The following SNTG1 variants were observed in gnomAD, a reference collection of about 807,000 sequenced individuals.
SNTG1 encodes syntrophin gamma 1.
In SNTG1, 39 loss-of-function variants were observed where a neutral mutation model predicts 74.7. The observed-to-expected ratio is 0.52, with a 90% CI of 0.40 to 0.68. The LOEUF (loss-of-function observed/expected upper bound fraction) is 0.68, where lower values mean the gene tolerates loss of function less well. SNTG1 is among the 30% of genes least tolerant of loss of function. The probability of loss-of-function intolerance (pLI) is 0.00; values close to 1 mark genes in which losing one functional copy is unlikely to be tolerated. For missense variants in SNTG1, 685 were observed against 609.5 expected (o/e 1.12, Z -1.30); for synonymous variants, 254 against 217.1 (o/e 1.17, Z -1.49).
At chr8:50,244,532 C>T (rs1403316550) in intron 2 of SNTG1, among the ~76,000 whole-genome samples, 7 of 152,090 alleles carry the variant, frequency 4.6e-5, no homozygotes, top group Admixed American at 2.0e-4. Flanking sequence ...TGTGAATGTC[C>T]TACCTCAAGC....
At chr8:50,565,336 T>A (rs1421448803) in intron 12 of SNTG1, among the ~76,000 whole-genome samples, 1 of 152,020 alleles carries the variant, frequency 6.6e-6, no homozygotes, top group Non-Finnish European at 1.5e-5. Flanking sequence ...TCGTTAATAT[T>A]AGTGTATTCA....
rs1802788853 is a variant in SNTG1, at chr8:50,795,894, G to A, written c.*3065G>A. The stretch of plus-strand genomic sequence containing the variant: ...CTTTTTTAAAATGGGAGGATAATCA[G>A]GTAATTATTTCTTGCCCATATTTCA... On this transcript the variant is annotated 3_prime_UTR_variant, in exon 19 of 19. Transcript: ENST00000642720. 1 of 151,982 alleles carries A rather than the reference G, an allele frequency of 6.6e-6. No homozygotes were observed. The highest frequency in any genetic ancestry group is 6.6e-5 in the Admixed American group (1 of 15,222). The allele number at this position is 151,982 out of a possible 1,614,324, so 9.4% of individuals were successfully genotyped here. A position where few individuals can be genotyped will look rare whatever the true frequency, so the allele number is the denominator to read the frequency against.
intron 9 of SNTG1, among the ~76,000 whole-genome samples, chr8:50,519,124 TC>T (rs1397517685): frequency 1.3e-5 from 2 of 152,200 alleles, no homozygotes; most frequent in African/African-American, 4.8e-5. Flanking sequence ...GCCGGCTTCA[TC>T]CCTGGGATGC....
At chr8:50,313,260 T>G (rs527497009) in intron 2 of SNTG1, among the ~76,000 whole-genome samples, 12 of 149,900 alleles carry the variant, frequency 8.0e-5, no homozygotes, top group African/African-American at 2.7e-4. Context: ...TGAACAATGA[T>G]TTTTTTGAAT....
Position 50,610,624 on chromosome 8 carries a change from C to T in SNTG1, c.849+19707C>T, listed in dbSNP as rs755187821. Among the ~76,000 whole-genome samples the T allele has an allele frequency of 3.9e-5, 6 of 152,264 alleles. No homozygotes were observed. In the East Asian group the frequency reaches 5.8e-4, roughly 15 times the overall value. On this transcript the variant is annotated intron_variant, in intron 13 of 18. Transcript: ENST00000642720. ...TTTGTTATTTCAGTTGTCAAAGCCA[C>T]AAGTTTATGCTACTCACTCCTATTT...
chr8:50,195,274 G>T (rs2083721912), intron 2 of SNTG1, among the ~76,000 whole-genome samples: 2 of 151,950 alleles, frequency 1.3e-5, no homozygotes, highest in Non-Finnish European at 2.9e-5. Flanking sequence ...CCTAAGGGCT[G>T]GTCTCACTCC....
chr8:50,643,322 C>T (rs891967961), intron 13 of SNTG1, among the ~76,000 whole-genome samples: 1 of 152,184 alleles, frequency 6.6e-6, no homozygotes, highest in African/African-American at 2.4e-5. Flanking sequence ...TGCTTAATTT[C>T]AATGTCTTGA....
chr8:50,179,557 C>T lies in SNTG1; in HGVS notation c.-28+6922C>T, dbSNP rs151176755. On this transcript the variant is annotated intron_variant, in intron 2 of 18. Coordinates refer to ENST00000642720, the MANE Select transcript of SNTG1 (RefSeq NM_018967.5). ...ATACATCTGATAAGAAATTAATACT[C>T]AAAATACATAAGCAGTTCCCACAAC... Among the ~76,000 whole-genome samples the T allele has an allele frequency of 8.9e-4, 135 of 152,104 alleles. 1 individual carries two copies. Among genetic ancestry groups the T allele is most frequent in the Non-Finnish European group, 1.5e-3 (102 of 67,990 alleles).
chr8:50,220,836 A>G (rs953483558), intron 2 of SNTG1, among the ~76,000 whole-genome samples: 9 of 152,162 alleles, frequency 5.9e-5, no homozygotes, highest in South Asian at 4.1e-4. Flanking sequence ...TCCTACCATC[A>G]TTCTCTCCCC....
chr8:50,678,644 T>G (rs2095318893), intron 15 of SNTG1, among the ~76,000 whole-genome samples: 1 of 152,106 alleles, frequency 6.6e-6, no homozygotes, highest in Non-Finnish European at 1.5e-5. Context: ...TGTCCATACA[T>G]GATTGAAGGA....
At chr8:50,375,399 C>A (rs375766129) in intron 2 of SNTG1, among the ~76,000 whole-genome samples, 1 of 151,542 alleles carries the variant, frequency 6.6e-6, no homozygotes, top group Non-Finnish European at 1.5e-5. Flanking sequence ...GGAACAGATA[C>A]GACTTACAGA....
intron 2 of SNTG1, among the ~76,000 whole-genome samples, chr8:50,204,816 G>C (rs960570481): frequency 6.6e-6 from 1 of 151,990 alleles, no homozygotes; most frequent in African/African-American, 2.4e-5. Context: ...GACAACATGC[G>C]GTGTTTGGTT....
chr8:50,142,219 C>T (rs533339789), intron 1 of SNTG1, among the ~76,000 whole-genome samples: 10 of 152,126 alleles, frequency 6.6e-5, no homozygotes, highest in South Asian at 4.2e-4. Context: ...ACACTTCCCA[C>T]GACAGGCATT....
intron 2 of SNTG1, among the ~76,000 whole-genome samples, chr8:50,372,316 T>C (rs764434867): frequency 1.3e-5 from 2 of 151,868 alleles, no homozygotes; most frequent in African/African-American, 4.8e-5. Context: ...GGATCTAACA[T>C]AAAATATCTT....
At chr8:50,060,600 T>C (rs1483040599) in intron 1 of SNTG1, among the ~76,000 whole-genome samples, 1 of 152,078 alleles carries the variant, frequency 6.6e-6, no homozygotes, top group Non-Finnish European at 1.5e-5. Flanking sequence ...TTGCACTATG[T>C]TGAATCAAAG....
chr8:50,126,263 C>G (rs930984635), intron 1 of SNTG1, among the ~76,000 whole-genome samples: 1 of 152,128 alleles, frequency 6.6e-6, no homozygotes, highest in Admixed American at 6.6e-5. Context: ...CCTTTGGACT[C>G]AGACTGGCTA....
At chr8:50,191,479 CCTCA>C (rs2083575215) in intron 2 of SNTG1, among the ~76,000 whole-genome samples, 1 of 152,026 alleles carries the variant, frequency 6.6e-6, no homozygotes, top group South Asian at 2.1e-4. Flanking sequence ...AAATCATTTG[CCTCA>C]CTATCTTTGG....
At position 50,502,806 on chromosome 8, in the gene SNTG1, A is replaced by T. The variant is rs1450241020; in HGVS notation, c.392A>T (p.Glu131Val). ...VVQVLRNAGE[E>V]VTLTVSFLKR... is the part of the protein sequence containing the mutation. ...CAGGTTCTTCGGAATGCTGGAGAAG[A>T]AGTGACTCTAACAGTGTCATTTTTA... Residue 131 changes from glutamate to valine, a missense_variant, in exon 9 of 19, where the codon GAA (glutamate) becomes GTA (valine). Glu to Val is a moderately radical substitution (Grantham distance 121). Coordinates refer to ENST00000642720, the MANE Select transcript of SNTG1 (RefSeq NM_018967.5). 2 of 1,613,198 alleles carry T rather than the reference A, an allele frequency of 1.2e-6. No individual in the cohort carries two copies. The highest frequency in any genetic ancestry group is 3.3e-5 in the Admixed American group (2 of 59,998).
chr8:50,252,950 G>T (rs79104762), intron 2 of SNTG1, among the ~76,000 whole-genome samples: 9,543 of 152,118 alleles, frequency 0.063, 306 homozygotes, highest in Middle Eastern at 0.11. Flanking sequence ...TAATAATGAG[G>T]GAAATGAAAA....
Sources: allele counts gnomAD v4.1 joint callset (sites outside exome capture counted in the v4.1 genomes callset), GRCh38; gene constraint gnomAD v4.1.1; transcripts MANE v1.5; gene names NCBI Gene and HGNC (gene_info 2026-07-23, HGNC 2026-07-21).